Variants in CDC14C observed in about 807,000 individuals in gnomAD.
CDC14C encodes dual specificity protein phosphatase CDC14C.
A neutral mutation model predicts 26.9 loss-of-function variants in CDC14C; 19 were observed. The observed-to-expected ratio is 0.71, with a 90% CI of 0.49 to 1.04. The LOEUF is 1.04. Among genes scored for constraint, CDC14C ranks in the 50% least tolerant of loss-of-function variants. The pLI is 0.00. For synonymous variants in CDC14C, 185 were observed against 180.1 expected (o/e 1.03, Z -0.22); for missense variants, 423 against 520.0 (o/e 0.81, Z 1.81).
Position 48,926,123 on chromosome 7 carries a change from A to G in CDC14C, c.*107A>G. On this transcript the variant is annotated 3_prime_UTR_variant, in exon 1 of 1. Transcript: ENST00000650262. ...TTGCATTAAGTAAAAACCTGTGACCAGAACTGAAGGAAGACTCTAGGAACT... is the reference window on the plus strand; with the variant it reads ...TTGCATTAAGTAAAAACCTGTGACCGGAACTGAAGGAAGACTCTAGGAACT... 2 of 686,228 alleles carry G rather than the reference A, an allele frequency of 2.9e-6. No homozygotes were observed. Among genetic ancestry groups the G allele is most frequent in the East Asian group, 2.8e-5 (1 of 36,066 alleles). The allele number at this position is 686,228 out of a possible 1,614,324, so 42.5% of individuals were successfully genotyped here. A position where few individuals can be genotyped will look rare whatever the true frequency, so the allele number is the denominator to read the frequency against.
rs1184563643 is a variant in CDC14C at position 48,924,581 on chromosome 7, C to T, written c.-92C>T. ...GCTCCCTGACTGGCCGCGGCGGCCTCCAGGAAGCGGAAAAGCAAGGGGCGG... is the reference window on the plus strand; with the variant it reads ...GCTCCCTGACTGGCCGCGGCGGCCTTCAGGAAGCGGAAAAGCAAGGGGCGG... On this transcript the variant is annotated 5_prime_UTR_variant, in exon 1 of 1. Transcript: ENST00000650262. 1.6e-5 allele frequency: 13 copies of T among 794,908 alleles called. No individual in the cohort carries two copies. The highest frequency in any genetic ancestry group is 2.6e-5 in the East Asian group (1 of 38,506). 49.2% of individuals were successfully genotyped at this position (794,908 alleles called of 1,614,324 possible). A position where few individuals can be genotyped will look rare whatever the true frequency, so the allele number is the denominator to read the frequency against.
rs1304464860 is a variant in CDC14C, at chr7:48,924,876, C to T, written c.204C>T (p.Tyr68=). The change falls in exon 1 of 1, where the codon TAC becomes TAT. Residue 68 remains tyrosine (Y), a synonymous_variant. Coordinates refer to ENST00000650262, the MANE Select transcript of CDC14C (RefSeq NM_152627.3). ...GACCACTCAATCTGGCAATGGTTTA[C>T]AGATATTGTTGCAAGATAAATAAGA... ...DFGPLNLAMV[Y]RYCCKINKKL... is the part of the protein sequence containing the mutation. 15 of 1,465,520 alleles carry T rather than the reference C, an allele frequency of 1.0e-5. No homozygotes were observed. Among genetic ancestry groups the T allele is most frequent in the Non-Finnish European group, 1.4e-5 (15 of 1,044,452 alleles). The allele number at this position is 1,465,520 out of a possible 1,614,324, so 90.8% of individuals were successfully genotyped here.
Position 48,924,779 on chromosome 7 carries a change from A to G in CDC14C, c.107A>G (p.Lys36Arg), listed in dbSNP as rs571007371. 415 of 1,399,604 alleles carry G rather than the reference A, an allele frequency of 3.0e-4. 1 individual carries two copies. The African/African-American group carries it at 5.2e-3, about 18-fold the overall frequency. The allele number at this position is 1,399,604 out of a possible 1,614,324, so 86.7% of individuals were successfully genotyped here. Residue 36 changes from lysine (K) to arginine (R), a missense_variant, in exon 1 of 1, where the codon AAG becomes AGG. Around this residue, in one of 3 missense-constraint regions of CDC14C, gnomAD observed 310 missense variants for 356.8 expected, o/e 0.87. Coordinates refer to ENST00000650262, the MANE Select transcript of CDC14C (RefSeq NM_152627.3). Reference protein sequence around the residue: ...LRFAILYSRPKSASNVHYFSI... With the variant: ...LRFAILYSRPRSASNVHYFSI... ...TTTGCCATTCTCTACAGCAGACCAAAGAGTGCATCAAATGTACATTATTTC... is the reference window on the plus strand; with the variant it reads ...TTTGCCATTCTCTACAGCAGACCAAGGAGTGCATCAAATGTACATTATTTC...
rs6968293 is a variant in CDC14C, at chr7:48,924,659, A to C, written c.-14A>C. 0.52 allele frequency: 568,375 copies of C among 1,096,938 alleles called. 149,819 individuals carry two copies. The highest frequency in any genetic ancestry group is 0.71 in the East Asian group (30,248 of 42,450). The allele number at this position is 1,096,938 out of a possible 1,614,324, so 68.0% of individuals were successfully genotyped here. A position where few individuals can be genotyped will look rare whatever the true frequency, so the allele number is the denominator to read the frequency against. On this transcript the variant is annotated 5_prime_UTR_variant, in exon 1 of 1. Coordinates refer to ENST00000650262, the MANE Select transcript of CDC14C (RefSeq NM_152627.3). ...TCGCCGCGCTGCTCTTTGACCTCGC[A>C]GGGTGTGAAGAAGATGCGCAGCTCC...
At position 48,925,357 on chromosome 7, in the gene CDC14C, A is replaced by G. The variant is rs1241209456; in HGVS notation, c.685A>G (p.Thr229Ala). 1.9e-6 allele frequency: 3 copies of G among 1,609,528 alleles called. No individual in the cohort carries two copies. Among genetic ancestry groups the G allele is most frequent in the East Asian group, 2.2e-5 (1 of 44,866 alleles). Residue 229 changes from threonine to alanine, a missense_variant, in exon 1 of 1, where the codon ACC (threonine) becomes GCC (alanine). Thr to Ala is a moderately conservative substitution (Grantham distance 58). This residue lies in a region of CDC14C where 310 missense variants were observed against 356.8 expected (regional missense o/e 0.87). Transcript: ENST00000650262. Reference protein sequence around the residue: ...IQYFKNHNVTTIIRLNKRMYD... With the variant: ...IQYFKNHNVTAIIRLNKRMYD... ...ATATTTTAAGAATCACAATGTTACT[A>G]CCATTATTCGTCTGAATAAAAGGAT...
At position 48,925,891 on chromosome 7, in the gene CDC14C, C is replaced by A. The variant is rs776502109; in HGVS notation, c.1219C>A (p.Arg407=). ...QGDRSRALKR[R]RQSKTNDILL... The stretch of plus-strand genomic sequence containing the variant: ...TGATAGAAGTCGGGCCCTGAAAAGG[C>A]GAAGACAATCAAAAACAAACGATAT... Residue 407 remains arginine (R), a synonymous_variant, in exon 1 of 1, where the codon CGA becomes AGA. Coordinates refer to ENST00000650262, the MANE Select transcript of CDC14C (RefSeq NM_152627.3). The A allele has an allele frequency of 1.2e-6, 1 of 812,290 alleles. No homozygotes were observed. The highest frequency in any genetic ancestry group is 1.3e-5 in the South Asian group (1 of 74,694). 50.3% of individuals were successfully genotyped at this position (812,290 alleles called of 1,614,324 possible). A position where few individuals can be genotyped will look rare whatever the true frequency, so the allele number is the denominator to read the frequency against.
In CDC14C at chr7:48,924,865, G is replaced by A. The variant is rs1586198322; in HGVS notation, c.193G>A (p.Ala65Thr). 1 of 1,462,562 alleles carries A rather than the reference G, an allele frequency of 6.8e-7. No homozygotes were observed. The highest frequency in any genetic ancestry group is 1.7e-5 in the Admixed American group (1 of 59,580). The allele number at this position is 1,462,562 out of a possible 1,614,324, so 90.6% of individuals were successfully genotyped here. The change falls in exon 1 of 1, where the codon GCA becomes ACA. Residue 65 changes from alanine to threonine, a missense_variant. By Grantham distance (58) the Ala-to-Thr change is moderately conservative (BLOSUM62 0). Around this residue, in one of 3 missense-constraint regions of CDC14C, gnomAD observed 310 missense variants for 356.8 expected, o/e 0.87. Transcript: ENST00000650262. ...FSEDFGPLNLAMVYRYCCKIN... is the reference protein window; with the variant it reads ...FSEDFGPLNLTMVYRYCCKIN... ...CGAAGACTTTGGACCACTCAATCTGGCAATGGTTTACAGATATTGTTGCAA... is the reference window on the plus strand; with the variant it reads ...CGAAGACTTTGGACCACTCAATCTGACAATGGTTTACAGATATTGTTGCAA...
At position 48,924,886 on chromosome 7, in the gene CDC14C, T is replaced by G. The variant is rs535486175; in HGVS notation, c.214T>G (p.Cys72Gly). 8.2e-6 allele frequency: 12 copies of G among 1,455,590 alleles called. No homozygotes were observed. The highest frequency in any genetic ancestry group is 1.1e-5 in the Non-Finnish European group (11 of 1,035,094). 90.2% of individuals were successfully genotyped at this position (1,455,590 alleles called of 1,614,324 possible). A position where few individuals can be genotyped will look rare whatever the true frequency, so the allele number is the denominator to read the frequency against. ...LNLAMVYRYC[C>G]KINKKLKSIT... The stretch of plus-strand genomic sequence containing the variant: ...TCTGGCAATGGTTTACAGATATTGT[T>G]GCAAGATAAATAAGAAATTAAAGTC... The change falls in exon 1 of 1, where the codon TGC becomes GGC. Residue 72 changes from cysteine to glycine, a missense_variant. Around this residue, in one of 3 missense-constraint regions of CDC14C, gnomAD observed 310 missense variants for 356.8 expected, o/e 0.87. Coordinates refer to ENST00000650262, the MANE Select transcript of CDC14C (RefSeq NM_152627.3).
Position 48,927,304 on chromosome 7 carries a change from C to T in CDC14C, c.*1288C>T, listed in dbSNP as rs982632677. On this transcript the variant is annotated 3_prime_UTR_variant, in exon 1 of 1. Transcript: ENST00000650262. ...ACTTGCAAGAGAATATTAGTGGTAG[C>T]TTTAGAAGACTCAGGAGGAGAAACT... Among the ~76,000 whole-genome samples, 4 of 152,144 alleles carry T rather than the reference C, an allele frequency of 2.6e-5. No homozygotes were observed. Among genetic ancestry groups the T allele is most frequent in the African/African-American group, 9.7e-5 (4 of 41,408 alleles).
In CDC14C at chr7:48,926,053, C is replaced by T; in HGVS notation, c.*37C>T. 4.1e-6 allele frequency: 3 copies of T among 734,226 alleles called. No individual in the cohort carries two copies. The highest frequency in any genetic ancestry group is 5.1e-6 in the Non-Finnish European group (2 of 392,958). 45.5% of individuals were successfully genotyped at this position (734,226 alleles called of 1,614,324 possible). On this transcript the variant is annotated 3_prime_UTR_variant, in exon 1 of 1. Coordinates refer to ENST00000650262, the MANE Select transcript of CDC14C (RefSeq NM_152627.3). ...CAGAACATAGTAGCCATCAGGACCC[C>T]CTGACAGATAGCTGCTTCTCTCCAT...
chr7:48,926,430 G>C lies in CDC14C; in HGVS notation c.*414G>C, dbSNP rs1586199758. On this transcript the variant is annotated 3_prime_UTR_variant, in exon 1 of 1. Coordinates refer to ENST00000650262, the MANE Select transcript of CDC14C (RefSeq NM_152627.3). The stretch of plus-strand genomic sequence containing the variant: ...TTCAGAGCTGAGAGCCCCGAACAGA[G>C]ATTTACCCACATATTGATTAACAGC... Among the ~76,000 whole-genome samples the C allele has an allele frequency of 6.6e-6, 1 of 151,474 alleles. No individual in the cohort carries two copies. Among genetic ancestry groups the C allele is most frequent in the African/African-American group, 2.4e-5 (1 of 41,168 alleles).
In CDC14C at chr7:48,927,006, T is replaced by A. The variant is rs1798902338; in HGVS notation, c.*990T>A. ...AATTGAGGATCTGATGGAGGTTTTT[T>A]AATGTATTTATTTTCTGTTCAGCTT... On this transcript the variant is annotated 3_prime_UTR_variant, in exon 1 of 1. Transcript: ENST00000650262. 6.6e-6 allele frequency among the ~76,000 whole-genome samples: 1 copy of A among 152,222 alleles called. No individual in the cohort carries two copies. Among genetic ancestry groups the A allele is most frequent in the East Asian group, 1.9e-4 (1 of 5,198 alleles).
At position 48,925,652 on chromosome 7, in the gene CDC14C, A is replaced by T. The variant is rs772497086; in HGVS notation, c.980A>T (p.Gln327Leu). Residue 327 changes from glutamine (Q) to leucine (L), a missense_variant, in exon 1 of 1, where the codon CAG becomes CTG. Physicochemically the swap from Gln to Leu is moderately radical, Grantham distance 113 (BLOSUM62 -2). Around this residue, in one of 3 missense-constraint regions of CDC14C, gnomAD observed 91 missense variants for 94.2 expected, o/e 0.97. Transcript: ENST00000650262. ...CRPGLVIGPQQQFLVMKQTSL... is the reference protein window; with the variant it reads ...CRPGLVIGPQLQFLVMKQTSL... ...CCTGGCTTGGTGATCGGGCCTCAGC[A>T]GCAGTTTTTGGTGATGAAGCAAACA... The T allele has an allele frequency of 8.3e-6, 13 of 1,571,258 alleles. No individual in the cohort carries two copies. In the South Asian group the frequency reaches 1.3e-4, roughly 16 times the overall value.
In CDC14C at chr7:48,925,669, A is replaced by C. The variant is rs762605251; in HGVS notation, c.997A>C (p.Lys333Gln). 5 of 1,479,686 alleles carry C rather than the reference A, an allele frequency of 3.4e-6. No homozygotes were observed. The highest frequency in any genetic ancestry group is 4.7e-6 in the Non-Finnish European group (5 of 1,057,494). 91.7% of individuals were successfully genotyped at this position (1,479,686 alleles called of 1,614,324 possible). The change falls in exon 1 of 1, where the codon AAG (lysine) becomes CAG (glutamine). Residue 333 changes from lysine to glutamine, a missense_variant. Physicochemically the swap from Lys to Gln is moderately conservative, Grantham distance 53 (BLOSUM62 1). Coordinates refer to ENST00000650262, the MANE Select transcript of CDC14C (RefSeq NM_152627.3). The stretch of plus-strand genomic sequence containing the variant: ...GCCTCAGCAGCAGTTTTTGGTGATG[A>C]AGCAAACAAGCCTCTGGCTGGAAGG... ...IGPQQQFLVMKQTSLWLEGDY... is the reference protein window; with the variant it reads ...IGPQQQFLVMQQTSLWLEGDY...
Position 48,926,963 on chromosome 7 carries a change from G to A in CDC14C, c.*947G>A, listed in dbSNP as rs1798901516. Among the ~76,000 whole-genome samples the A allele has an allele frequency of 6.6e-6, 1 of 152,186 alleles. No individual in the cohort carries two copies. The highest frequency in any genetic ancestry group is 1.5e-5 in the Non-Finnish European group (1 of 68,048). ...TGTCCTTGTGATGGCAAGCATTGTAGTTGATGGCCTTCAGAAGAATTGAGG... is the reference window on the plus strand; with the variant it reads ...TGTCCTTGTGATGGCAAGCATTGTAATTGATGGCCTTCAGAAGAATTGAGG... On this transcript the variant is annotated 3_prime_UTR_variant, in exon 1 of 1. Transcript: ENST00000650262.
Position 48,925,767 on chromosome 7 carries a change from T to A in CDC14C, c.1095T>A (p.Ser365=). The stretch of plus-strand genomic sequence containing the variant: ...GAGCAGCCTTCTCCAAACTTCTCTC[T>A]GGTGTTGATGACATTTCCATAAATG... The part of the protein sequence containing the change: ...QHRAAFSKLL[S]GVDDISINGV... The change falls in exon 1 of 1, where the codon TCT becomes TCA. Residue 365 remains serine (S), a synonymous_variant. Transcript: ENST00000650262. 1 of 979,152 alleles carries A rather than the reference T, an allele frequency of 1.0e-6. No homozygotes were observed. Among genetic ancestry groups the A allele is most frequent in the Middle Eastern group, 2.1e-4 (1 of 4,860 alleles). 60.7% of individuals were successfully genotyped at this position (979,152 alleles called of 1,614,324 possible). A position where few individuals can be genotyped will look rare whatever the true frequency, so the allele number is the denominator to read the frequency against.
In CDC14C at chr7:48,924,646, T is replaced by A. The variant is rs755163056; in HGVS notation, c.-27T>A. 2.8e-6 allele frequency: 3 copies of A among 1,074,972 alleles called. No individual in the cohort carries two copies. The highest frequency in any genetic ancestry group is 2.9e-6 in the Non-Finnish European group (2 of 692,526). The allele number at this position is 1,074,972 out of a possible 1,614,324, so 66.6% of individuals were successfully genotyped here. On this transcript the variant is annotated 5_prime_UTR_variant, in exon 1 of 1. Coordinates refer to ENST00000650262, the MANE Select transcript of CDC14C (RefSeq NM_152627.3). ...CGCGCCCCACTGCTCGCCGCGCTGCTCTTTGACCTCGCAGGGTGTGAAGAA... is the reference window on the plus strand; with the variant it reads ...CGCGCCCCACTGCTCGCCGCGCTGCACTTTGACCTCGCAGGGTGTGAAGAA...
In CDC14C at chr7:48,927,185, T is replaced by C. The variant is rs1365479229; in HGVS notation, c.*1169T>C. Among the ~76,000 whole-genome samples, 14 of 151,150 alleles carry C rather than the reference T, an allele frequency of 9.3e-5. No homozygotes were observed. The highest frequency in any genetic ancestry group is 4.3e-4 in the South Asian group (2 of 4,694). On this transcript the variant is annotated 3_prime_UTR_variant, in exon 1 of 1. Transcript: ENST00000650262. ...ATAAGTACCCAAGCTGCTTGTCTTC[T>C]ACCAAAGAGTGCTTTATTAACAAGA...
Position 48,925,266 on chromosome 7 carries a change from T to G in CDC14C, c.594T>G (p.Cys198Trp), listed in dbSNP as rs771605411. 2 of 1,608,666 alleles carry G rather than the reference T, an allele frequency of 1.2e-6. No individual in the cohort carries two copies. The highest frequency in any genetic ancestry group is 1.7e-6 in the Non-Finnish European group (2 of 1,174,974). The change falls in exon 1 of 1, where the codon TGT becomes TGG. Residue 198 changes from cysteine to tryptophan, a missense_variant. Transcript: ENST00000650262. ...WIIPDRFIAFCGPHSRARLES... is the reference protein window; with the variant it reads ...WIIPDRFIAFWGPHSRARLES... Reference sequence around the variant, plus strand: ...TACCAGACCGATTTATTGCCTTCTGTGGACCTCATTCAAGAGCCAGACTTG... The same window carrying G: ...TACCAGACCGATTTATTGCCTTCTGGGGACCTCATTCAAGAGCCAGACTTG...
Sources: gnomAD v4.1 joint callset for allele counts (sites outside exome capture counted in the v4.1 genomes callset) on GRCh38, gnomAD v4.1.1 for gene constraint, gnomAD v4.1.1 regional missense constraint, MANE v1.5 for transcripts, NCBI Gene and HGNC (gene_info 2026-07-23, HGNC 2026-07-21) for gene names.